The following WDR75 variants were observed in gnomAD, a reference collection of about 807,000 sequenced individuals.
WDR75 encodes the protein WD repeat domain 75.
WDR75 carries 52 observed loss-of-function variants against 106.1 expected under a neutral mutation model. The observed-to-expected ratio is 0.49, with a 90% CI of 0.39 to 0.62. WDR75 has a LOEUF of 0.62. Ranked by LOEUF, WDR75 falls within the 20% of genes least tolerant of loss-of-function variation. The pLI is 0.00. For synonymous variants in WDR75, 333 were observed against 335.5 expected (o/e 0.99, Z 0.08); for missense variants, 905 against 970.3 (o/e 0.93, Z 0.89).
At chr2:189,474,059 C>T (rs1687164927) in intron 18 of WDR75, 127 bp from the exon 19 acceptor site, 6 of 1,009,316 alleles carry the variant, frequency 5.9e-6, no homozygotes, top group African/African-American at 1.6e-5. Flanking sequence ...GAGGATCATA[C>T]TAACTGGATA....
chr2:189,453,829 C>T (rs557453128), intron 4 of WDR75, among the ~76,000 whole-genome samples: 1 of 152,202 alleles, frequency 6.6e-6, no homozygotes, highest in Admixed American at 6.5e-5. Context: ...ATCTATGTTC[C>T]ACAGCCCAAA....
intron 1 of WDR75, among the ~76,000 whole-genome samples, chr2:189,445,975 CT>C (rs1212243828): frequency 8.6e-5 from 13 of 152,030 alleles, no homozygotes; most frequent in African/African-American, 1.4e-4. Flanking sequence ...GAGGATATTC[CT>C]TTTTTCTGAG....
chr2:189,469,442 A>G lies in WDR75; in HGVS notation c.1819+3A>G. On this transcript the variant is annotated splice_donor_region_variant and intron_variant, in intron 16 of 20. Transcript: ENST00000314761. ...TCAGTCTTCAGTGGGTTCAGACTGT[A>G]AGTACAAACCACACTTTGTAGTAAG... 1 of 1,602,142 alleles carries G rather than the reference A, an allele frequency of 6.2e-7. No individual in the cohort carries two copies. The highest frequency in any genetic ancestry group is 8.6e-7 in the Non-Finnish European group (1 of 1,169,366).
In WDR75 at chr2:189,462,514, C is replaced by G; in HGVS notation, c.809C>G (p.Ser270Cys). 6.2e-7 allele frequency: 1 copy of G among 1,613,854 alleles called. No individual in the cohort carries two copies. The highest frequency in any genetic ancestry group is 8.5e-7 in the Non-Finnish European group (1 of 1,179,846). The change falls in exon 9 of 21, where the codon TCT (serine) becomes TGT (cysteine). Residue 270 changes from serine to cysteine, a missense_variant. Transcript: ENST00000314761. ...GTSLLSGGRE[S>C]VLVEWRDATE... ...AGTCTGCTGAGTGGCGGTCGTGAATCTGTACTTGTAGAGTGGCGCGATGCA... is the reference window on the plus strand; with the variant it reads ...AGTCTGCTGAGTGGCGGTCGTGAATGTGTACTTGTAGAGTGGCGCGATGCA...
chr2:189,448,342 A>G, intron 1 of WDR75, 37 bp from the exon 2 acceptor site: 1 of 1,598,496 alleles, frequency 6.3e-7, no homozygotes. Flanking sequence ...AGGCTAATAC[A>G]GTATGTAAAA....
At chr2:189,475,147 C>A in intron 20 of WDR75, 66 bp from the exon 21 acceptor site, 1 of 1,245,658 alleles carries the variant, frequency 8.0e-7, no homozygotes, top group Non-Finnish European at 1.1e-6. Context: ...ACATAGGTGT[C>A]AAATTAGAAA....
Position 189,459,327 on chromosome 2 carries a change from C to T in WDR75, c.690-9C>T. The T allele has an allele frequency of 1.3e-6, 2 of 1,598,150 alleles. No individual in the cohort carries two copies. Among genetic ancestry groups the T allele is most frequent in the Non-Finnish European group, 1.7e-6 (2 of 1,172,590 alleles). ...TGGTCAAAATAAGAGTTTTATCTTT[C>T]TCCAATAGGAGGAATTTTTATGATG... On this transcript the variant is annotated splice_polypyrimidine_tract_variant and intron_variant, in intron 7 of 20. Coordinates refer to ENST00000314761, the MANE Select transcript of WDR75 (RefSeq NM_032168.3).
chr2:189,463,546 T>C, intron 9 of WDR75, 148 bp from the exon 10 acceptor site: 2 of 680,434 alleles, frequency 2.9e-6, no homozygotes, highest in South Asian at 4.1e-5. Context: ...TAATGATAGC[T>C]GATGAGCTAA....
At chr2:189,453,193 T>C (rs141417909) in intron 4 of WDR75, among the ~76,000 whole-genome samples, 21 of 152,314 alleles carry the variant, frequency 1.4e-4, no homozygotes, top group Admixed American at 1.3e-3. Flanking sequence ...TTTTGATATT[T>C]AAGTTCGGTT....
chr2:189,468,554 C>T lies in WDR75; in HGVS notation c.1708C>T (p.Leu570=), dbSNP rs779004255. The change falls in exon 15 of 21, where the codon CTG becomes TTG. Residue 570 remains leucine, a synonymous_variant. Transcript: ENST00000314761. ...AAATGGCATTCTTTGCTGTTGGAAT[C>T]TGCTGAGCTGTGCATGTAAGATATT... is the stretch of plus-strand genomic sequence containing the variant. ...TENGILCCWN[L]LSCALEWNAK... 9 of 1,613,060 alleles carry T rather than the reference C, an allele frequency of 5.6e-6. No individual in the cohort carries two copies. The highest frequency in any genetic ancestry group is 7.6e-6 in the Non-Finnish European group (9 of 1,179,346).
At position 189,441,515 on chromosome 2, in the gene WDR75, G is replaced by T. The variant is rs770817824; in HGVS notation, c.23G>T (p.Arg8Leu). 3 of 1,566,506 alleles carry T rather than the reference G, an allele frequency of 1.9e-6. No homozygotes were observed. Among genetic ancestry groups the T allele is most frequent in the Middle Eastern group, 3.3e-4 (2 of 6,010 alleles). Residue 8 changes from arginine to leucine, a missense_variant, in exon 1 of 21, where the codon CGC (arginine) becomes CTC (leucine). Coordinates refer to ENST00000314761, the MANE Select transcript of WDR75 (RefSeq NM_032168.3). MVEEENI[R>L]VVRCGGSELN... The stretch of plus-strand genomic sequence containing the variant: ...AAGATGGTGGAGGAGGAGAACATCC[G>T]CGTGGTTCGTTGTGGCGGCAGCGAG...
At position 189,475,464 on chromosome 2, in the gene WDR75, T is replaced by G. The variant is rs1349333311; in HGVS notation, c.*47T>G. ...CTTGGACTTTGTGTTTTTGATTGTA[T>G]GTTGATATTCTAAAAACATCTATTT... is the stretch of plus-strand genomic sequence containing the variant. On this transcript the variant is annotated 3_prime_UTR_variant, in exon 21 of 21. Coordinates refer to ENST00000314761, the MANE Select transcript of WDR75 (RefSeq NM_032168.3). 1 of 1,135,742 alleles carries G rather than the reference T, an allele frequency of 8.8e-7. No homozygotes were observed. Among genetic ancestry groups the G allele is most frequent in the East Asian group, 2.4e-5 (1 of 40,998 alleles). The allele number at this position is 1,135,742 out of a possible 1,614,324, so 70.4% of individuals were successfully genotyped here.
At chr2:189,458,653 A>G in intron 6 of WDR75, 100 bp from the exon 7 acceptor site, 1 of 1,035,522 alleles carries the variant, frequency 9.7e-7, no homozygotes, top group South Asian at 2.6e-5. Flanking sequence ...GAGCTCTACA[A>G]TTTTGGTTGC....
chr2:189,463,912 C>G lies in WDR75; in HGVS notation c.1064C>G (p.Pro355Arg). The change falls in exon 11 of 21, where the codon CCT becomes CGT. Residue 355 changes from proline (P) to arginine (R), a missense_variant. Pro to Arg is a moderately radical substitution (Grantham distance 103). Transcript: ENST00000314761. The stretch of plus-strand genomic sequence containing the variant: ...AAAGCTTTGGTTTTGAATGGAAAAC[C>G]TGGCCACCTGCAGTTTTATTCTCTC... Reference protein sequence around the residue: ...RTKALVLNGKPGHLQFYSLQS... With the variant: ...RTKALVLNGKRGHLQFYSLQS... The G allele has an allele frequency of 8.1e-6, 13 of 1,613,872 alleles. No homozygotes were observed. Among genetic ancestry groups the G allele is most frequent in the Non-Finnish European group, 1.0e-5 (12 of 1,179,824 alleles).
rs373947404 is a variant in WDR75, at chr2:189,473,822, A to C, written c.2050-364A>C. On this transcript the variant is annotated intron_variant, in intron 18 of 20. Coordinates refer to ENST00000314761, the MANE Select transcript of WDR75 (RefSeq NM_032168.3). The stretch of plus-strand genomic sequence containing the variant: ...TCTCAGGTCTACTAAGTTCAATACC[A>C]TCCTTCAGCCTGCTCTCCAGTTTCC... 5.7e-4 allele frequency among the ~76,000 whole-genome samples: 87 copies of C among 152,286 alleles called. No individual in the cohort carries two copies. In the South Asian group the frequency reaches 0.017, roughly 29 times the overall value.
chr2:189,474,716 G>A lies in WDR75; in HGVS notation c.2197-1G>A. On this transcript the variant is annotated splice_acceptor_variant, in intron 19 of 20. Transcript: ENST00000314761. LOFTEE classifies it high-confidence loss of function. The stretch of plus-strand genomic sequence containing the variant: ...CAACCGTGTTTTCTGTTTGACTCCA[G>A]CTTCTTCACACTCCAGCCCATGTCC... 1 of 1,613,666 alleles carries A rather than the reference G, an allele frequency of 6.2e-7. No homozygotes were observed. Among genetic ancestry groups the A allele is most frequent in the Non-Finnish European group, 8.5e-7 (1 of 1,179,742 alleles).
Position 189,474,240 on chromosome 2 carries a change from C to T in WDR75, c.2104C>T (p.His702Tyr). The T allele has an allele frequency of 1.2e-6, 2 of 1,613,766 alleles. No individual in the cohort carries two copies. The highest frequency in any genetic ancestry group is 1.7e-6 in the Non-Finnish European group (2 of 1,179,818). The change falls in exon 19 of 21, where the codon CAC (histidine) becomes TAC (tyrosine). Residue 702 changes from histidine to tyrosine, a missense_variant. His to Tyr is a moderately conservative substitution (Grantham distance 83). Transcript: ENST00000314761. ...CCCATTTTATTTCATATTGGGAAAA[C>T]ACAGGCAACAGCAGGATGAAAAACT... is the stretch of plus-strand genomic sequence containing the variant. ...TTPFYFILGK[H>Y]RQQQDEKLNE...
rs1687197052 is a variant in WDR75, at chr2:189,475,548, A to G, written c.*131A>G. 3 of 580,612 alleles carry G rather than the reference A, an allele frequency of 5.2e-6. No homozygotes were observed. The highest frequency in any genetic ancestry group is 2.9e-6 in the Non-Finnish European group (1 of 341,808). The allele number at this position is 580,612 out of a possible 1,614,324, so 36.0% of individuals were successfully genotyped here. ...AATATTAACAAACTTTGCTTTTTTAAAAAACTGATAATATGAACATGTATT... is the reference window on the plus strand; with the variant it reads ...AATATTAACAAACTTTGCTTTTTTAGAAAACTGATAATATGAACATGTATT... On this transcript the variant is annotated 3_prime_UTR_variant, in exon 21 of 21. Coordinates refer to ENST00000314761, the MANE Select transcript of WDR75 (RefSeq NM_032168.3).
intron 16 of WDR75, among the ~76,000 whole-genome samples, chr2:189,469,868 G>C (rs1687082267): frequency 6.6e-6 from 1 of 152,054 alleles, no homozygotes; most frequent in African/African-American, 2.4e-5. Context: ...TCTTCTTTCT[G>C]TTTTTCATCC....
Sources: gnomAD v4.1 joint callset for allele counts (sites outside exome capture counted in the v4.1 genomes callset) on GRCh38, gnomAD v4.1.1 for gene constraint, MANE v1.5 for transcripts, NCBI Gene and HGNC (gene_info 2026-07-23, HGNC 2026-07-21) for gene names.